Variants in PDLIM5 observed in about 807,000 individuals in gnomAD.
The protein encoded by PDLIM5 is PDZ and LIM domain protein 5.
Under a neutral mutation model 64.2 loss-of-function variants are expected in PDLIM5, and 34 were observed. That is an observed-to-expected ratio of 0.53 (90% CI 0.40 to 0.71). PDLIM5 has a LOEUF of 0.71. PDLIM5 is among the 30% of genes least tolerant of loss of function. The probability of loss-of-function intolerance (pLI) is 0.00; values close to 1 mark genes in which losing one functional copy is unlikely to be tolerated. For missense variants in PDLIM5, 683 were observed against 733.6 expected (o/e 0.93, Z 0.80); for synonymous variants, 253 against 269.1 (o/e 0.94, Z 0.59).
At chr4:94,567,473 T>G (rs1415378891) in intron 3 of PDLIM5, among the ~76,000 whole-genome samples, 1 of 151,772 alleles carries the variant, frequency 6.6e-6, no homozygotes, top group Non-Finnish European at 1.5e-5. Flanking sequence ...TGGACCTTAG[T>G]AAGTTTTCAG....
chr4:94,655,755 C>G (rs1416237690), intron 10 of PDLIM5, among the ~76,000 whole-genome samples: 6 of 151,906 alleles, frequency 3.9e-5, no homozygotes, highest in Non-Finnish European at 8.8e-5. Context: ...AGTCTTAGAC[C>G]CAAATAAAGT....
intron 3 of PDLIM5, among the ~76,000 whole-genome samples, chr4:94,553,411 A>G (rs10025074): frequency 0.19 from 29,404 of 152,158 alleles, 3,133 homozygotes; most frequent in African/African-American, 0.28. Context: ...ACCCAGCCAA[A>G]TGATCGGTTT....
At chr4:94,523,547 A>C (rs1454749621) in intron 2 of PDLIM5, among the ~76,000 whole-genome samples, 177 bp from the exon 3 acceptor site, 1 of 152,220 alleles carries the variant, frequency 6.6e-6, no homozygotes, top group Non-Finnish European at 1.5e-5. Flanking sequence ...ATAAACATTT[A>C]AATCATTTGA....
intron 2 of PDLIM5, among the ~76,000 whole-genome samples, chr4:94,462,675 A>G (rs62321996): frequency 0.07 from 10,584 of 152,182 alleles, 513 homozygotes; most frequent in African/African-American, 0.14. Flanking sequence ...TTGTCACATA[A>G]ATTCCTAGAA....
chr4:94,571,071 T>C (rs1200539320), intron 3 of PDLIM5, among the ~76,000 whole-genome samples: 1 of 152,240 alleles, frequency 6.6e-6, no homozygotes, highest in Non-Finnish European at 1.5e-5. Context: ...GTTAAAAATA[T>C]ACCTTAAGTA....
chr4:94,611,769 T>A (rs977612923), intron 7 of PDLIM5, among the ~76,000 whole-genome samples: 1 of 152,164 alleles, frequency 6.6e-6, no homozygotes, highest in Admixed American at 6.5e-5. Context: ...AAAGATATAA[T>A]CTCAATGAAA....
chr4:94,502,351 A>G (rs2110084785), intron 2 of PDLIM5, among the ~76,000 whole-genome samples: 1 of 152,264 alleles, frequency 6.6e-6, no homozygotes, highest in East Asian at 1.9e-4. Flanking sequence ...CAAATGTGCA[A>G]TGTGTCAAAT....
chr4:94,540,200 G>A (rs1006439071), intron 3 of PDLIM5, among the ~76,000 whole-genome samples: 1 of 150,226 alleles, frequency 6.7e-6, no homozygotes, highest in Non-Finnish European at 1.5e-5. Context: ...GCGCGATCTC[G>A]GCTCATTGCA....
intron 8 of PDLIM5, among the ~76,000 whole-genome samples, chr4:94,624,195 A>G (rs946650583): frequency 1.3e-5 from 2 of 151,450 alleles, no homozygotes; most frequent in African/African-American, 4.8e-5. Context: ...GTGCACGCCT[A>G]TGGTCCCAGC....
At chr4:94,523,632 A>G in intron 2 of PDLIM5, 92 bp from the exon 3 acceptor site, 1 of 852,916 alleles carries the variant, frequency 1.2e-6, no homozygotes, top group Non-Finnish European at 1.8e-6. Flanking sequence ...GTATATTAAT[A>G]TACTTTTGGT....
At chr4:94,643,664 T>A (rs985318738) in intron 9 of PDLIM5, among the ~76,000 whole-genome samples, 1 of 152,184 alleles carries the variant, frequency 6.6e-6, no homozygotes, top group Admixed American at 6.5e-5. Flanking sequence ...ATGGAATGCT[T>A]AAATAGCCAC....
intron 8 of PDLIM5, among the ~76,000 whole-genome samples, chr4:94,631,956 A>G (rs919311743): frequency 6.6e-6 from 1 of 152,232 alleles, no homozygotes; most frequent in Non-Finnish European, 1.5e-5. Context: ...TCTAGCTTAG[A>G]TACTTCTCCT....
intron 3 of PDLIM5, among the ~76,000 whole-genome samples, chr4:94,564,558 A>G (rs1455768409): frequency 6.7e-6 from 1 of 149,878 alleles, no homozygotes; most frequent in East Asian, 2.0e-4. Context: ...GTCTTGCTTT[A>G]TTATGCTCCA....
intron 2 of PDLIM5, among the ~76,000 whole-genome samples, chr4:94,478,558 T>C (rs1172079695): frequency 6.6e-6 from 1 of 152,172 alleles, no homozygotes; most frequent in Non-Finnish European, 1.5e-5. Flanking sequence ...ATTCTACTTA[T>C]GGCATCAATT....
chr4:94,666,310 G>A lies in PDLIM5; in HGVS notation c.*2243G>A, dbSNP rs1313620950. On this transcript the variant is annotated 3_prime_UTR_variant, in exon 13 of 13. Transcript: ENST00000317968. ...AACTGGGGATAAAAGAATGGCAAGGGGTGACACAAAGTAGCAAACTGAATA... is the reference window on the plus strand; with the variant it reads ...AACTGGGGATAAAAGAATGGCAAGGAGTGACACAAAGTAGCAAACTGAATA... 2.5e-5 allele frequency: 8 copies of A among 325,750 alleles called. No individual in the cohort carries two copies. In the Admixed American group the frequency reaches 3.9e-4, roughly 16 times the overall value. 20.2% of individuals were successfully genotyped at this position (325,750 alleles called of 1,614,324 possible). A position where few individuals can be genotyped will look rare whatever the true frequency, so the allele number is the denominator to read the frequency against.
At chr4:94,653,555 C>A (rs1179669511) in intron 9 of PDLIM5, among the ~76,000 whole-genome samples, 2 of 132,706 alleles carry the variant, frequency 1.5e-5, no homozygotes, top group African/African-American at 5.2e-5. Context: ...GGAAAAAAAT[C>A]TCTTACAAAC....
intron 7 of PDLIM5, among the ~76,000 whole-genome samples, chr4:94,616,142 A>G (rs369368334): frequency 4.6e-5 from 7 of 152,242 alleles, no homozygotes; most frequent in African/African-American, 1.7e-4. Context: ...TTGCTTGGTC[A>G]TAATTTTTTT....
At position 94,665,908 on chromosome 4, in the gene PDLIM5, T is replaced by C. The variant is rs915601659; in HGVS notation, c.*1841T>C. 18 of 1,478,582 alleles carry C rather than the reference T, an allele frequency of 1.2e-5. No individual in the cohort carries two copies. The highest frequency in any genetic ancestry group is 5.7e-5 in the African/African-American group (4 of 70,774). 91.6% of individuals were successfully genotyped at this position (1,478,582 alleles called of 1,614,324 possible). A position where few individuals can be genotyped will look rare whatever the true frequency, so the allele number is the denominator to read the frequency against. On this transcript the variant is annotated 3_prime_UTR_variant, in exon 13 of 13. Coordinates refer to ENST00000317968, the MANE Select transcript of PDLIM5 (RefSeq NM_006457.5). ...ATTTCCTCCTTTGGGAAAAGAATTA[T>C]GTAGATACCACATGGAGACAGGGAA...
intron 8 of PDLIM5, among the ~76,000 whole-genome samples, chr4:94,636,438 A>C (rs1740567840): frequency 6.6e-6 from 1 of 151,098 alleles, no homozygotes; most frequent in African/African-American, 2.4e-5. Flanking sequence ...AAAATTGGGA[A>C]TCTTCCTTTT....
Sources: allele counts gnomAD v4.1 joint callset (sites outside exome capture counted in the v4.1 genomes callset), GRCh38; gene constraint gnomAD v4.1.1; transcripts MANE v1.5; gene names NCBI Gene and HGNC (gene_info 2026-07-23, HGNC 2026-07-21).